Variants in MYO18A observed in about 807,000 individuals in gnomAD.
The protein encoded by MYO18A is unconventional myosin-XVIIIa.
Under a neutral mutation model 235.8 loss-of-function variants are expected in MYO18A, and 78 were observed. That is an observed-to-expected ratio of 0.33 (90% CI 0.28 to 0.40). The LOEUF is 0.40. Ranked by LOEUF, MYO18A falls within the 10% of genes least tolerant of loss-of-function variation. The pLI, the probability that MYO18A is intolerant of heterozygous loss-of-function variation, is 1.00. For missense variants in MYO18A, 2,215 were observed against 2,699.3 expected (o/e 0.82, Z 3.98); for synonymous variants, 977 against 1,077.8 (o/e 0.91, Z 1.83).
Position 29,126,091 on chromosome 17 carries a change from G to A in MYO18A, c.1000-3838C>T, listed in dbSNP as rs533433376. The A allele has an allele frequency of 9.6e-5, 28 of 291,926 alleles. No individual in the cohort carries two copies. Among genetic ancestry groups the A allele is most frequent in the East Asian group, 3.4e-4 (2 of 5,836 alleles). The allele number at this position is 291,926 out of a possible 1,614,324, so 18.1% of individuals were successfully genotyped here. A position where few individuals can be genotyped will look rare whatever the true frequency, so the allele number is the denominator to read the frequency against. On this transcript the variant is annotated intron_variant, in intron 2 of 41. Transcript: ENST00000527372. The surrounding 1 kb of genome is among the most constrained non-coding windows in gnomAD (Gnocchi z 4.1). The stretch of plus-strand genomic sequence containing the variant: ...GGAGCAGCGCCAGGGAGCAAGCCGC[G>A]CGGCAATCTGAGTTTTTAAACCATC...
chr17:29,162,858 C>T (rs1325237726), intron 2 of MYO18A, among the ~76,000 whole-genome samples: 1 of 152,206 alleles, frequency 6.6e-6, no homozygotes, highest in Non-Finnish European at 1.5e-5. Context: ...CCCAGCGGAA[C>T]CTCATCTAGC....
At chr17:29,148,653 G>C (rs553385175) in intron 2 of MYO18A, among the ~76,000 whole-genome samples, 12 of 151,924 alleles carry the variant, frequency 7.9e-5, no homozygotes, top group Middle Eastern at 3.2e-3. Flanking sequence ...AAACAGTAGT[G>C]TTAGGAGACA....
At chr17:29,152,699 T>G (rs1352183340) in intron 2 of MYO18A, among the ~76,000 whole-genome samples, 1 of 152,062 alleles carries the variant, frequency 6.6e-6, no homozygotes, top group Non-Finnish European at 1.5e-5. Context: ...CAGAGACAGA[T>G]TAATGAGGAT....
chr17:29,149,403 G>C (rs2067921903), intron 2 of MYO18A, among the ~76,000 whole-genome samples: 1 of 152,218 alleles, frequency 6.6e-6, no homozygotes, highest in African/African-American at 2.4e-5. Context: ...CAATCAGGAA[G>C]GTCAGTGGGT....
At chr17:29,123,863 A>G (rs533231780) in intron 2 of MYO18A, among the ~76,000 whole-genome samples, 8 of 152,296 alleles carry the variant, frequency 5.3e-5, no homozygotes, top group African/African-American at 1.9e-4. Flanking sequence ...CCTGGCTAAC[A>G]CAGTGAAACC....
intron 2 of MYO18A, among the ~76,000 whole-genome samples, chr17:29,143,031 C>T (rs544411210): frequency 6.6e-6 from 1 of 152,314 alleles, no homozygotes; most frequent in Admixed American, 6.5e-5. Flanking sequence ...TGGCCTTGAA[C>T]TCCTGACCGC....
chr17:29,094,266 G>A lies in MYO18A; in HGVS notation c.4711-176C>T, dbSNP rs924898059. ...CCAGAGCAGCTGAACTCCCTTACTA[G>A]AGGTCTGGCATAGGCCCACAGAGAG... On this transcript the variant is annotated intron_variant, in intron 30 of 41. Transcript: ENST00000527372. 7.8e-5 allele frequency: 48 copies of A among 614,560 alleles called. No individual in the cohort carries two copies. In the African/African-American group the frequency reaches 8.3e-4, roughly 11 times the overall value. The allele number at this position is 614,560 out of a possible 1,614,324, so 38.1% of individuals were successfully genotyped here. A position where few individuals can be genotyped will look rare whatever the true frequency, so the allele number is the denominator to read the frequency against.
intron 1 of MYO18A, among the ~76,000 whole-genome samples, chr17:29,169,701 A>G (rs1219382887): frequency 1.3e-5 from 2 of 152,184 alleles, no homozygotes; most frequent in African/African-American, 4.8e-5. Context: ...ATGAAGAAAG[A>G]AATCCACCTT....
chr17:29,106,974 G>A lies in MYO18A; in HGVS notation c.3441+106C>T, dbSNP rs748763145. 1.8e-6 allele frequency: 2 copies of A among 1,113,256 alleles called. No individual in the cohort carries two copies. The highest frequency in any genetic ancestry group is 2.7e-6 in the Non-Finnish European group (2 of 743,566). 69.0% of individuals were successfully genotyped at this position (1,113,256 alleles called of 1,614,324 possible). On this transcript the variant is annotated intron_variant, in intron 20 of 41. Transcript: ENST00000527372. The surrounding 1 kb of genome is among the most constrained non-coding windows in gnomAD (Gnocchi z 4.6). The stretch of plus-strand genomic sequence containing the variant: ...GCTTCCAAAACTGGGAGCCTGAGCA[G>A]GGCCAGATGAGCTGTCTCCAGGGAA...
chr17:29,118,025 TG>T lies in MYO18A; in HGVS notation c.2038+19del. 1 of 1,567,472 alleles carries T rather than the reference TG, an allele frequency of 6.4e-7. No homozygotes were observed. Among genetic ancestry groups the T allele is most frequent in the Admixed American group, 1.9e-5 (1 of 53,244 alleles). On this transcript the variant is annotated intron_variant, in intron 10 of 41. Transcript: ENST00000527372. This position sits in a 1 kb window ranked among gnomAD's most constrained non-coding sequence, Gnocchi z 4.2. ...TCACCCAGGGGACAGGCCAGCCTAC[TG>T]GGACCCACTGCAGGTTACCTTTGGT... is the stretch of plus-strand genomic sequence containing the variant.
chr17:29,142,049 AT>A, intron 2 of MYO18A, among the ~76,000 whole-genome samples: 1 of 152,044 alleles, frequency 6.6e-6, no homozygotes. Flanking sequence ...GGTTCACGCC[AT>A]TCTCCTGCCT....
chr17:29,089,609 G>A (rs239266), intron 37 of MYO18A, among the ~76,000 whole-genome samples: 2 of 152,096 alleles, frequency 1.3e-5, no homozygotes, highest in African/African-American at 4.8e-5. Flanking sequence ...AGCCTGCGCA[G>A]AAGTGGCACC....
Position 29,109,888 on chromosome 17 carries a change from G to A in MYO18A, c.3301C>T (p.Leu1101=). 2 of 1,569,330 alleles carry A rather than the reference G, an allele frequency of 1.3e-6. No homozygotes were observed. The highest frequency in any genetic ancestry group is 1.7e-6 in the Non-Finnish European group (2 of 1,157,298). The change falls in exon 19 of 42, where the codon CTG becomes TTG. Residue 1101 remains leucine, a synonymous_variant. Transcript: ENST00000527372. This position sits in a 1 kb window ranked among gnomAD's most constrained non-coding sequence, Gnocchi z 4.1. ...LLRTQLRGSR[L]LDAMRMYRQG... is the part of the protein sequence containing the mutation. ...CGGTACATGCGCATGGCATCGAGCA[G>A]GCGGGAGCCGCGGAGCTGGGTGCGG...
chr17:29,108,227 T>C (rs535059125), intron 19 of MYO18A, among the ~76,000 whole-genome samples: 2 of 152,340 alleles, frequency 1.3e-5, no homozygotes, highest in East Asian at 3.9e-4. Flanking sequence ...TGCCTCACCC[T>C]GACCTTGAGT....
chr17:29,112,081 A>G (rs906958399), intron 15 of MYO18A, among the ~76,000 whole-genome samples: 6 of 152,218 alleles, frequency 3.9e-5, no homozygotes, highest in African/African-American at 1.4e-4. Flanking sequence ...GGAAGCCCAC[A>G]GCAAAAGAGG....
At position 29,158,337 on chromosome 17, in the gene MYO18A, A is replaced by G. The variant is rs1281589404; in HGVS notation, c.999+7605T>C. Reference sequence around the variant, plus strand: ...CGAGGGGTGACCCAGGTCTAAGGAAATAGTTTCCCAACCAAACTAGAGCCC... The same window carrying G: ...CGAGGGGTGACCCAGGTCTAAGGAAGTAGTTTCCCAACCAAACTAGAGCCC... On this transcript the variant is annotated intron_variant, in intron 2 of 41. Coordinates refer to ENST00000527372, the MANE Select transcript of MYO18A (RefSeq NM_078471.4). The surrounding 1 kb of genome is among the most constrained non-coding windows in gnomAD (Gnocchi z 4.3). Among the ~76,000 whole-genome samples the G allele has an allele frequency of 6.6e-6, 1 of 152,166 alleles. No homozygotes were observed. The highest frequency in any genetic ancestry group is 1.9e-4 in the East Asian group (1 of 5,198).
rs560975417 is a variant in MYO18A, at chr17:29,123,634, C to T, written c.1000-1381G>A. On this transcript the variant is annotated intron_variant, in intron 2 of 41. Coordinates refer to ENST00000527372, the MANE Select transcript of MYO18A (RefSeq NM_078471.4). ...GCTGCACCAGTGGCTCCCAGATCTCCGGGTTTCATGGACCCATGAAATAAC... is the reference window on the plus strand; with the variant it reads ...GCTGCACCAGTGGCTCCCAGATCTCTGGGTTTCATGGACCCATGAAATAAC... Among the ~76,000 whole-genome samples the T allele has an allele frequency of 7.2e-5, 11 of 152,340 alleles. No individual in the cohort carries two copies. The South Asian group carries it at 1.2e-3, about 17-fold the overall frequency.
At chr17:29,092,147 C>T (rs1004012738) in intron 34 of MYO18A, among the ~76,000 whole-genome samples, 196 bp downstream of exon 34, 7 of 152,220 alleles carry the variant, frequency 4.6e-5, no homozygotes, top group Admixed American at 1.3e-4. Flanking sequence ...TCTGCCCGCT[C>T]CTCCCCGAGG....
intron 2 of MYO18A, chr17:29,128,422 G>A (rs1355216445): frequency 2.3e-6 from 3 of 1,289,456 alleles, no homozygotes; most frequent in Non-Finnish European, 3.0e-6. Flanking sequence ...CAGCTCCCGG[G>A]CCGTTCATGG....
Sources: gnomAD v4.1 joint callset for allele counts (sites outside exome capture counted in the v4.1 genomes callset) on GRCh38, gnomAD v4.1.1 for gene constraint, Gnocchi (gnomAD v3.1) non-coding constraint, MANE v1.5 for transcripts, NCBI Gene and HGNC (gene_info 2026-07-23, HGNC 2026-07-21) for gene names.